Variants in CLIP3 observed in about 807,000 individuals in gnomAD.
The protein encoded by CLIP3 is CAP-Gly domain-containing linker protein 3.
In CLIP3, 15 loss-of-function variants were observed where a neutral mutation model predicts 59.4. The ratio of observed to expected loss-of-function variants is 0.25; its 90% CI spans 0.17 to 0.39. CLIP3 has a LOEUF of 0.39. Ranked by LOEUF, CLIP3 falls within the 10% of genes least tolerant of loss-of-function variation. The pLI is 1.00. For missense variants in CLIP3, 495 were observed against 765.7 expected (o/e 0.65, Z 4.17); for synonymous variants, 300 against 321.6 (o/e 0.93, Z 0.72).
At position 36,026,377 on chromosome 19, in the gene CLIP3, G is replaced by A; in HGVS notation, c.563-112C>T. 1 of 1,156,874 alleles carries A rather than the reference G, an allele frequency of 8.6e-7. No individual in the cohort carries two copies. Among genetic ancestry groups the A allele is most frequent in the South Asian group, 1.4e-5 (1 of 71,006 alleles). The allele number at this position is 1,156,874 out of a possible 1,614,324, so 71.7% of individuals were successfully genotyped here. Reference sequence around the variant, plus strand: ...CAGGTCCCAGAGCCTCCGACGCAGAGCCCCGCCCCCACCTCGGAGCCCCCC... The same window carrying A: ...CAGGTCCCAGAGCCTCCGACGCAGAACCCCGCCCCCACCTCGGAGCCCCCC... On this transcript the variant is annotated intron_variant, in intron 5 of 13. Coordinates refer to ENST00000360535, the MANE Select transcript of CLIP3 (RefSeq NM_015526.3). This position sits in a 1 kb window ranked among gnomAD's most constrained non-coding sequence, Gnocchi z 6.3.
chr19:36,026,093 G>T lies in CLIP3; in HGVS notation c.681+54C>A. 1 of 1,360,600 alleles carries T rather than the reference G, an allele frequency of 7.3e-7. No individual in the cohort carries two copies. Among genetic ancestry groups the T allele is most frequent in the Non-Finnish European group, 1.0e-6 (1 of 953,768 alleles). The allele number at this position is 1,360,600 out of a possible 1,614,324, so 84.3% of individuals were successfully genotyped here. A position where few individuals can be genotyped will look rare whatever the true frequency, so the allele number is the denominator to read the frequency against. On this transcript the variant is annotated intron_variant, in intron 6 of 13. Transcript: ENST00000360535. This position sits in a 1 kb window ranked among gnomAD's most constrained non-coding sequence, Gnocchi z 6.3. ...AAACGCAGAGACCTGCTGGAGGGAA[G>T]TGGGGGAGGAAGGGAGCAGGAGGGT... is the stretch of plus-strand genomic sequence containing the variant.
intron 6 of CLIP3, 72 bp from the exon 7 acceptor site, chr19:36,024,704 A>T: frequency 7.2e-7 from 1 of 1,396,952 alleles, no homozygotes; most frequent in East Asian, 2.3e-5. Flanking sequence ...CCCTGCCCCT[A>T]GAGACCACCA....
chr19:36,031,024 T>TTTTTTTTTTTTTTTTTTTTTTTTTTC (rs1969251111), intron 2 of CLIP3, among the ~76,000 whole-genome samples: 33 of 73,566 alleles, frequency 4.5e-4, no homozygotes, highest in Non-Finnish European at 4.7e-4. Context: ...TTTTTTTTTC[T>TTTTTTTTTTTTTTTTTTTTTTTTTTC]TTTTTTTTTT....
chr19:36,019,058 C>T, intron 8 of CLIP3, 32 bp from the exon 9 acceptor site: 9 of 1,585,772 alleles, frequency 5.7e-6, no homozygotes, highest in Non-Finnish European at 6.9e-6. Flanking sequence ...CTGGTGTTGT[C>T]CAAGCCTCTG....
At chr19:36,024,042 C>T (rs1050954642) in intron 7 of CLIP3, among the ~76,000 whole-genome samples, 5 of 152,234 alleles carry the variant, frequency 3.3e-5, no homozygotes, top group African/African-American at 1.2e-4. Context: ...CCAGACTTGT[C>T]TCTGAGAGCA....
At chr19:36,018,037 C>T in intron 9 of CLIP3, 46 bp from the exon 10 acceptor site, 2 of 1,604,998 alleles carry the variant, frequency 1.2e-6, no homozygotes, top group Admixed American at 3.4e-5. Context: ...CTGAGGCCAG[C>T]TTTGGGAACC....
chr19:36,027,992 T>C (rs1192733809), intron 2 of CLIP3, among the ~76,000 whole-genome samples: 1 of 152,132 alleles, frequency 6.6e-6, no homozygotes, highest in Non-Finnish European at 1.5e-5. Flanking sequence ...ATTGTGCCAC[T>C]ACACGCCAGC....
intron 9 of CLIP3, among the ~76,000 whole-genome samples, chr19:36,018,299 C>T (rs1197005301): frequency 6.6e-6 from 1 of 152,142 alleles, no homozygotes; most frequent in African/African-American, 2.4e-5. Context: ...GTAAATCAGG[C>T]CATGTGCAGT....
chr19:36,024,188 C>T (rs925563358), intron 7 of CLIP3, among the ~76,000 whole-genome samples: 6 of 152,206 alleles, frequency 3.9e-5, no homozygotes, highest in African/African-American at 1.4e-4. Flanking sequence ...GGTTGTTTCC[C>T]ACCCTGGATG....
chr19:36,027,227 G>C lies in CLIP3; in HGVS notation c.211C>G (p.Leu71Val). Residue 71 changes from leucine (L) to valine (V), a missense_variant, in exon 3 of 14, where the codon CTG becomes GTG. By Grantham distance (32) the Leu-to-Val change is conservative. Transcript: ENST00000360535. The stretch of plus-strand genomic sequence containing the variant: ...GGGATGGTGGTCTGAGGGTCAAACA[G>C]GATCTCCTGGCACGCCGGGTCATTG... The part of the protein sequence containing the change: ...DPNDPACQEI[L>V]FDPQTTIPEL... 1 of 1,613,230 alleles carries C rather than the reference G, an allele frequency of 6.2e-7. No homozygotes were observed. The highest frequency in any genetic ancestry group is 8.5e-7 in the Non-Finnish European group (1 of 1,179,640).
rs1968791398 is a variant in CLIP3 at position 36,016,124 on chromosome 19, G to A, written c.*34C>T. On this transcript the variant is annotated 3_prime_UTR_variant, in exon 14 of 14. Transcript: ENST00000360535. This position sits in a 1 kb window ranked among gnomAD's most constrained non-coding sequence, Gnocchi z 4.1. ...CCTCGGGTGTCAGGAGATGCTAGTG[G>A]GGACTCTGTCTCTTTGTCAGGTGTC... is the stretch of plus-strand genomic sequence containing the variant. 6.2e-7 allele frequency: 1 copy of A among 1,611,968 alleles called. No homozygotes were observed. The highest frequency in any genetic ancestry group is 8.5e-7 in the Non-Finnish European group (1 of 1,178,306).
In CLIP3 at chr19:36,017,242, T is replaced by C; in HGVS notation, c.1516+144A>G. On this transcript the variant is annotated intron_variant, in intron 12 of 13. Coordinates refer to ENST00000360535, the MANE Select transcript of CLIP3 (RefSeq NM_015526.3). ...TCATATCCTCTAGCACCTATCTTTT[T>C]GTGGACCTTGTCTCATCATTTTCCT... The C allele has an allele frequency of 5.7e-6, 5 of 876,258 alleles. No homozygotes were observed. The South Asian group carries it at 7.7e-5, about 14-fold the overall frequency. The allele number at this position is 876,258 out of a possible 1,614,324, so 54.3% of individuals were successfully genotyped here.
At position 36,014,720 on chromosome 19, in the gene CLIP3, T is replaced by A; in HGVS notation, c.*1438A>T. On this transcript the variant is annotated 3_prime_UTR_variant, in exon 14 of 14. Coordinates refer to ENST00000360535, the MANE Select transcript of CLIP3 (RefSeq NM_015526.3). ...TCATGCTGAGTTTGGGGACATGCAGTGAAGGGGCAGTCGTGAGCTGTCCTT... is the reference window on the plus strand; with the variant it reads ...TCATGCTGAGTTTGGGGACATGCAGAGAAGGGGCAGTCGTGAGCTGTCCTT... 1 of 186,898 alleles carries A rather than the reference T, an allele frequency of 5.4e-6. No homozygotes were observed. Among genetic ancestry groups the A allele is most frequent in the Non-Finnish European group, 1.1e-5 (1 of 89,846 alleles). 11.6% of individuals were successfully genotyped at this position (186,898 alleles called of 1,614,324 possible).
chr19:36,019,198 G>A lies in CLIP3; in HGVS notation c.1027C>T (p.Arg343Trp). The A allele has an allele frequency of 6.2e-7, 1 of 1,613,980 alleles. No individual in the cohort carries two copies. The highest frequency in any genetic ancestry group is 1.3e-5 in the African/African-American group (1 of 75,058). The change falls in exon 8 of 14, where the codon CGG (arginine) becomes TGG (tryptophan). Residue 343 changes from arginine (R) to tryptophan (W), a missense_variant. Arg to Trp is a moderately radical substitution (Grantham distance 101). This residue lies in a region of CLIP3 where 194 missense variants were observed against 327.8 expected (regional missense o/e 0.59). Transcript: ENST00000360535. ...GKNDGSVGGV[R>W]YFICPPKQGL... ...TGCTTGGGAGGGCAGATGAAGTACC[G>A]AACGCCCCCAACGCTGCCATCGTTC... is the stretch of plus-strand genomic sequence containing the variant.
chr19:36,031,023 C>CTTTTTTTTTTTTTTTCT (rs1969248994), intron 2 of CLIP3, among the ~76,000 whole-genome samples: 1 of 80,174 alleles, frequency 1.2e-5, no homozygotes, highest in African/African-American at 4.5e-5. Context: ...TTTTTTTTTT[C>CTTTTTTTTTTTTTTTCT]TTTTTTTTTT....
intron 8 of CLIP3, 30 bp from the exon 9 acceptor site, chr19:36,019,056 G>C (rs375546985): frequency 1.5e-5 from 23 of 1,585,484 alleles, no homozygotes; most frequent in Non-Finnish European, 1.9e-5. Context: ...GCCTGGTGTT[G>C]TCCAAGCCTC....
At chr19:36,018,245 C>T (rs1180973635) in intron 9 of CLIP3, among the ~76,000 whole-genome samples, 2 of 151,942 alleles carry the variant, frequency 1.3e-5, no homozygotes, top group Non-Finnish European at 2.9e-5. Context: ...AGTCAGGAAC[C>T]CAGAAACTGT....
rs574967745 is a variant in CLIP3, at chr19:36,018,170, C to T, written c.1184-179G>A. On this transcript the variant is annotated intron_variant, in intron 9 of 13. Transcript: ENST00000360535. ...CTGAAGGGAAACTGAGTCAGAGAAC[C>T]TGAAGAACCCCAAAATCCTTTCTCA... Among the ~76,000 whole-genome samples the T allele has an allele frequency of 1.8e-4, 28 of 152,284 alleles. 1 individual carries two copies. In the South Asian group the frequency reaches 5.8e-3, roughly 32 times the overall value.
intron 2 of CLIP3, among the ~76,000 whole-genome samples, chr19:36,027,654 A>G (rs533308055): frequency 1.3e-5 from 2 of 152,324 alleles, no homozygotes; most frequent in South Asian, 4.1e-4. Flanking sequence ...GTTTGGCTGA[A>G]TCTCCAGAGC....
Sources: allele counts gnomAD v4.1 joint callset (sites outside exome capture counted in the v4.1 genomes callset), GRCh38; gene constraint gnomAD v4.1.1; regional missense constraint gnomAD v4.1.1; non-coding constraint Gnocchi (gnomAD v3.1); transcripts MANE v1.5; gene names NCBI Gene and HGNC (gene_info 2026-07-23, HGNC 2026-07-21).